The following COL24A1 variants were observed in gnomAD, a reference collection of about 807,000 sequenced individuals.
COL24A1 encodes the protein collagen alpha-1(XXIV) chain.
COL24A1 carries 224 observed loss-of-function variants against 253.9 expected under a neutral mutation model. The observed-to-expected ratio is 0.88, with a 90% CI of 0.79 to 0.99. The LOEUF (loss-of-function observed/expected upper bound fraction) is 0.99. Among genes scored for constraint, COL24A1 ranks in the 50% least tolerant of loss-of-function variants. The probability of loss-of-function intolerance (pLI) is 0.00; values close to 1 mark genes in which losing one functional copy is unlikely to be tolerated. For missense variants in COL24A1, 2,131 were observed against 2,068.5 expected (o/e 1.03, Z -0.59); for synonymous variants, 685 against 673.7 (o/e 1.02, Z -0.26).
At chr1:86,148,122 T>G (rs1395206982) in intron 1 of COL24A1, among the ~76,000 whole-genome samples, 1 of 152,204 alleles carries the variant, frequency 6.6e-6, no homozygotes, top group Non-Finnish European at 1.5e-5. Flanking sequence ...TCCTCCTGTT[T>G]GGATCTTTTT....
In COL24A1 at chr1:86,050,199, G is replaced by A. The variant is rs777264861; in HGVS notation, c.1852-22C>T. 17 of 1,603,792 alleles carry A rather than the reference G, an allele frequency of 1.1e-5. No homozygotes were observed. In the South Asian group the frequency reaches 1.8e-4, roughly 17 times the overall value. Reference sequence around the variant, plus strand: ...AACCCTTAAAACAAGAAAATAGTCTGTATATTAGTTCATTTGAATATTCTC... The same window carrying A: ...AACCCTTAAAACAAGAAAATAGTCTATATATTAGTTCATTTGAATATTCTC... On this transcript the variant is annotated intron_variant, in intron 10 of 59. Transcript: ENST00000370571.
intron 53 of COL24A1, among the ~76,000 whole-genome samples, chr1:85,773,628 A>G (rs2090681760): frequency 6.7e-6 from 1 of 149,806 alleles, no homozygotes; most frequent in South Asian, 2.2e-4. Context: ...TTCTCTTAGT[A>G]GCTATTGTGA....
In COL24A1 at chr1:86,072,682, G is replaced by A. The variant is rs576960110; in HGVS notation, c.1708-8923C>T. ...AGTGGGTCCCTGACCCCCGTGCCTCGTGATTGGGAGACACCTCCCAGCAGG... is the reference window on the plus strand; with the variant it reads ...AGTGGGTCCCTGACCCCCGTGCCTCATGATTGGGAGACACCTCCCAGCAGG... On this transcript the variant is annotated intron_variant, in intron 7 of 59. Coordinates refer to ENST00000370571, the MANE Select transcript of COL24A1 (RefSeq NM_152890.7). 7.9e-5 allele frequency among the ~76,000 whole-genome samples: 12 copies of A among 152,256 alleles called. No individual in the cohort carries two copies. In the South Asian group the frequency reaches 1.0e-3, roughly 13 times the overall value.
chr1:85,913,215 G>T (rs1489743782), intron 24 of COL24A1, among the ~76,000 whole-genome samples: 1 of 152,146 alleles, frequency 6.6e-6, no homozygotes, highest in Admixed American at 6.5e-5. Flanking sequence ...TGGTCTCACT[G>T]TGTTCTCCAC....
At chr1:86,004,100 G>T (rs1348204314) in intron 19 of COL24A1, among the ~76,000 whole-genome samples, 2 of 152,124 alleles carry the variant, frequency 1.3e-5, no homozygotes, top group East Asian at 3.9e-4. Context: ...GCCTCTGAAA[G>T]TTCCATTTGT....
At chr1:86,088,777 T>TA (rs1225205305) in intron 7 of COL24A1, among the ~76,000 whole-genome samples, 1 of 152,202 alleles carries the variant, frequency 6.6e-6, no homozygotes, top group Non-Finnish European at 1.5e-5. Context: ...ACTTTGGGCA[T>TA]ATAAAAGTCA....
chr1:85,729,402 C>A lies in COL24A1; in HGVS notation c.*1144G>T, dbSNP rs949056817. ...ACAAGGAGACATTGAACTGGCTGAG[C>A]CTATTTTAAATGGGAAAAGACTTTT... On this transcript the variant is annotated 3_prime_UTR_variant, in exon 60 of 60. Transcript: ENST00000370571. The A allele has an allele frequency of 1.4e-5, 2 of 144,494 alleles. No individual in the cohort carries two copies. Among genetic ancestry groups the A allele is most frequent in the African/African-American group, 2.5e-5 (1 of 40,352 alleles). The allele number at this position is 144,494 out of a possible 1,614,324, so 9.0% of individuals were successfully genotyped here.
At chr1:86,043,911 C>T (rs893449565) in intron 12 of COL24A1, among the ~76,000 whole-genome samples, 3 of 152,152 alleles carry the variant, frequency 2.0e-5, no homozygotes, top group African/African-American at 4.8e-5. Flanking sequence ...GATACTGGCA[C>T]GTTCAGATTT....
intron 52 of COL24A1, 124 bp downstream of exon 52, chr1:85,781,096 G>GA: frequency 1.5e-6 from 1 of 669,524 alleles, no homozygotes; most frequent in Non-Finnish European, 2.4e-6. Flanking sequence ...TTTTCCAGAA[G>GA]AAAATGTATA....
rs558465868 is a variant in COL24A1 at position 85,937,537 on chromosome 1, C to A, written c.2562+23712G>T. ...GAGTATCTGCAGGTAGATTTAATGA[C>A]TCAGAAAGCTGACATCAGCAAGCCT... On this transcript the variant is annotated intron_variant, in intron 24 of 59. Coordinates refer to ENST00000370571, the MANE Select transcript of COL24A1 (RefSeq NM_152890.7). Among the ~76,000 whole-genome samples the A allele has an allele frequency of 5.4e-5, 8 of 147,740 alleles. 1 individual carries two copies. Among genetic ancestry groups the A allele is most frequent in the African/African-American group, 2.0e-4 (8 of 40,384 alleles).
intron 55 of COL24A1, among the ~76,000 whole-genome samples, chr1:85,747,949 T>A (rs1665442057): frequency 6.6e-6 from 1 of 152,188 alleles, no homozygotes; most frequent in African/African-American, 2.4e-5. Context: ...AAAATACTGA[T>A]TTATGGAATT....
chr1:85,895,734 T>C (rs1683613308), intron 31 of COL24A1, 124 bp downstream of exon 31: 5 of 751,918 alleles, frequency 6.6e-6, no homozygotes, highest in Admixed American at 2.9e-5. Context: ...AATATCACAT[T>C]GTATACTGCA....
chr1:86,020,660 A>T (rs1255385724), intron 18 of COL24A1, among the ~76,000 whole-genome samples: 4 of 152,198 alleles, frequency 2.6e-5, no homozygotes, highest in African/African-American at 4.8e-5. Context: ...CCCTTAGAGC[A>T]TGTATTGTAT....
chr1:85,898,341 TGGGAACTCTTA>T (rs1218274507), intron 28 of COL24A1, among the ~76,000 whole-genome samples: 1 of 152,170 alleles, frequency 6.6e-6, no homozygotes, highest in Non-Finnish European at 1.5e-5. Flanking sequence ...ACTCTCTTCT[TGGGAACTCTTA>T]GGGTAACTGC....
intron 55 of COL24A1, among the ~76,000 whole-genome samples, chr1:85,747,101 C>CT (rs34758363): frequency 0.094 from 10,456 of 111,180 alleles, 545 homozygotes; most frequent in Non-Finnish European, 0.13. Flanking sequence ...TGAATTATAA[C>CT]TTTTTTTTTT....
Position 85,895,710 on chromosome 1 carries a change from T to C in COL24A1, c.2922+148A>G, listed in dbSNP as rs947478060. The stretch of plus-strand genomic sequence containing the variant: ...AGATAAAGGTAATCAGCTCATAATT[T>C]ATACATATATCAAAATATCACATTG... On this transcript the variant is annotated intron_variant, in intron 31 of 59. Transcript: ENST00000370571. 8.8e-6 allele frequency: 6 copies of C among 678,478 alleles called. No individual in the cohort carries two copies. The East Asian group carries it at 1.7e-4, about 19-fold the overall frequency. The allele number at this position is 678,478 out of a possible 1,614,324, so 42.0% of individuals were successfully genotyped here. A position where few individuals can be genotyped will look rare whatever the true frequency, so the allele number is the denominator to read the frequency against.
chr1:86,115,464 C>G, intron 3 of COL24A1, 86 bp from the exon 4 acceptor site: 1 of 1,334,664 alleles, frequency 7.5e-7, no homozygotes, highest in Non-Finnish European at 1.1e-6. Context: ...CACCCAAAGA[C>G]AACTCTTTTT....
chr1:86,014,144 T>A (rs544408342), intron 19 of COL24A1, among the ~76,000 whole-genome samples: 2 of 152,224 alleles, frequency 1.3e-5, no homozygotes, highest in Non-Finnish European at 2.9e-5. Flanking sequence ...TGTATATAAG[T>A]TGTCCTCTAA....
At chr1:85,837,610 A>G (rs965774756) in intron 43 of COL24A1, among the ~76,000 whole-genome samples, 1 of 152,222 alleles carries the variant, frequency 6.6e-6, no homozygotes, top group Non-Finnish European at 1.5e-5. Flanking sequence ...ACACCTACAC[A>G]TTAAAAATAA....
Sources: allele counts gnomAD v4.1 joint callset (sites outside exome capture counted in the v4.1 genomes callset), GRCh38; gene constraint gnomAD v4.1.1; transcripts MANE v1.5; gene names NCBI Gene and HGNC (gene_info 2026-07-23, HGNC 2026-07-21).